DEPDC1: variants seen among roughly 807,000 people sequenced by gnomAD.
DEPDC1 encodes the protein DEP domain-containing protein 1A.
DEPDC1 carries 66 observed loss-of-function variants against 86.8 expected under a neutral mutation model. The ratio of observed to expected loss-of-function variants is 0.76; its 90% CI spans 0.62 to 0.93. DEPDC1 has a LOEUF of 0.93. DEPDC1 is among the 40% of genes least tolerant of loss of function. The pLI is 0.00. For synonymous variants in DEPDC1, 255 were observed against 314.9 expected (o/e 0.81, Z 2.02); for missense variants, 792 against 935.7 (o/e 0.85, Z 2.00).
At chr1:68,490,617 T>A (rs564082611) in intron 2 of DEPDC1, among the ~76,000 whole-genome samples, 2 of 152,280 alleles carry the variant, frequency 1.3e-5, no homozygotes, top group South Asian at 4.1e-4. Context: ...GGTATATACC[T>A]AGTAAAGGGA....
At position 68,482,505 on chromosome 1, in the gene DEPDC1, T is replaced by C; in HGVS notation, c.1303A>G (p.Lys435Glu). Residue 435 changes from lysine (K) to glutamate (E), a missense_variant, in exon 8 of 12, where the codon AAA becomes GAA. Transcript: ENST00000456315. The stretch of plus-strand genomic sequence containing the variant: ...TGATGAAAGACACTGGATGCCTCTT[T>C]ACTTGAATTCCCTGGCACATCTACA... ...GIVDVPGNSS[K>E]EASSVFHQSF... The C allele has an allele frequency of 6.2e-7, 1 of 1,613,152 alleles. No homozygotes were observed. The highest frequency in any genetic ancestry group is 8.5e-7 in the Non-Finnish European group (1 of 1,179,336).
Position 68,482,454 on chromosome 1 carries a change from T to G in DEPDC1, c.1354A>C (p.Asn452His), listed in dbSNP as rs1255424370. 1 of 1,612,956 alleles carries G rather than the reference T, an allele frequency of 6.2e-7. No homozygotes were observed. The highest frequency in any genetic ancestry group is 8.5e-7 in the Non-Finnish European group (1 of 1,179,292). ...TTAGACTCTAAAAACAGTTTATTAT[T>G]TTGTCCTTCTATGTTCGGAAAAGAT... ...HQSFPNIEGQ[N>H]NKLFLESKPK... Residue 452 changes from asparagine to histidine, a missense_variant, in exon 8 of 12, where the codon AAT becomes CAT. Coordinates refer to ENST00000456315, the MANE Select transcript of DEPDC1 (RefSeq NM_001114120.3).
chr1:68,495,961 C>A (rs1366581256), intron 1 of DEPDC1, among the ~76,000 whole-genome samples: 1 of 152,136 alleles, frequency 6.6e-6, no homozygotes, highest in Non-Finnish European at 1.5e-5. Context: ...AGGTTCCTTC[C>A]TGTCCTAAAT....
intron 2 of DEPDC1, 67 bp downstream of exon 2, chr1:68,494,363 A>G (rs1178689423): frequency 2.2e-6 from 3 of 1,372,806 alleles, no homozygotes; most frequent in Non-Finnish European, 2.9e-6. Flanking sequence ...TTATAGTAAA[A>G]GTATAATATA....
chr1:68,481,344 G>C lies in DEPDC1; in HGVS notation c.1935+96C>G, dbSNP rs1646153856. 3 of 1,112,768 alleles carry C rather than the reference G, an allele frequency of 2.7e-6. No individual in the cohort carries two copies. The Admixed American group carries it at 7.1e-5, about 26-fold the overall frequency. The allele number at this position is 1,112,768 out of a possible 1,614,324, so 68.9% of individuals were successfully genotyped here. A position where few individuals can be genotyped will look rare whatever the true frequency, so the allele number is the denominator to read the frequency against. On this transcript the variant is annotated intron_variant, in intron 9 of 11. Transcript: ENST00000456315. ...CCAACCTAAGAATCTAGCACTTTAA[G>C]ACTAAGACATCACTTGAGTAGTACT...
In DEPDC1 at chr1:68,483,940, CTA is replaced by C; in HGVS notation, c.910+8_910+9del. On this transcript the variant is annotated splice_region_variant and intron_variant, in intron 7 of 11. Transcript: ENST00000456315. ...CAAAATGAACTAAAATCAGTAAAAT[CTA>C]TACATACCCAAAATGTTTACAAATA... is the stretch of plus-strand genomic sequence containing the variant. 6.9e-7 allele frequency: 1 copy of C among 1,452,040 alleles called. No homozygotes were observed. Among genetic ancestry groups the C allele is most frequent in the Non-Finnish European group, 9.3e-7 (1 of 1,079,798 alleles). The allele number at this position is 1,452,040 out of a possible 1,614,324, so 89.9% of individuals were successfully genotyped here.
chr1:68,494,645 G>A lies in DEPDC1; in HGVS notation c.99C>T (p.His33=). The change falls in exon 2 of 12, where the codon CAC becomes CAT. Residue 33 remains histidine, a synonymous_variant. Coordinates refer to ENST00000456315, the MANE Select transcript of DEPDC1 (RefSeq NM_001114120.3). ...SFRAGMPLRK[H]RQHFKKYGNC... The stretch of plus-strand genomic sequence containing the variant: ...TGCCATATTTTTTAAAGTGTTGTCT[G>A]TGTTTTCTTAGAGGCATTCCTGCTC... 6.2e-7 allele frequency: 1 copy of A among 1,613,604 alleles called. No individual in the cohort carries two copies. The highest frequency in any genetic ancestry group is 8.5e-7 in the Non-Finnish European group (1 of 1,179,642).
At position 68,494,624 on chromosome 1, in the gene DEPDC1, A is replaced by G; in HGVS notation, c.120T>C (p.Tyr40=). 1.2e-6 allele frequency: 2 copies of G among 1,613,770 alleles called. No individual in the cohort carries two copies. The highest frequency in any genetic ancestry group is 1.7e-6 in the Non-Finnish European group (2 of 1,179,760). Residue 40 remains tyrosine, a synonymous_variant, in exon 2 of 12, where the codon TAT becomes TAC. Transcript: ENST00000456315. ...LRKHRQHFKK[Y]GNCFTAGEAV... is the part of the protein sequence containing the mutation. ...CTTCTCCTGCTGTGAAACAATTGCC[A>G]TATTTTTTAAAGTGTTGTCTGTGTT...
intron 2 of DEPDC1, among the ~76,000 whole-genome samples, chr1:68,490,162 G>A (rs1209925221): frequency 2.0e-5 from 3 of 152,068 alleles, no homozygotes; most frequent in African/African-American, 7.2e-5. Context: ...GCATGTGCAG[G>A]TTTCTTACAT....
At chr1:68,494,830 T>C in intron 1 of DEPDC1, 135 bp from the exon 2 acceptor site, 1 of 810,848 alleles carries the variant, frequency 1.2e-6, no homozygotes, top group Non-Finnish European at 1.9e-6. Flanking sequence ...GAATCATTCA[T>C]CTTATTTGTG....
At position 68,495,226 on chromosome 1, in the gene DEPDC1, A is replaced by G. The variant is rs557726469; in HGVS notation, c.49-531T>C. Among the ~76,000 whole-genome samples the G allele has an allele frequency of 6.6e-5, 10 of 152,216 alleles. No individual in the cohort carries two copies. In the East Asian group the frequency reaches 1.9e-3, roughly 29 times the overall value. Reference sequence around the variant, plus strand: ...AATATTTTTATGTAATAGCTTTTTTATTAGAAGAACTTCATTGGCTGATCT... The same window carrying G: ...AATATTTTTATGTAATAGCTTTTTTGTTAGAAGAACTTCATTGGCTGATCT... On this transcript the variant is annotated intron_variant, in intron 1 of 11. Coordinates refer to ENST00000456315, the MANE Select transcript of DEPDC1 (RefSeq NM_001114120.3).
rs1174054148 is a variant in DEPDC1, at chr1:68,476,820, T to C, written c.*112A>G. On this transcript the variant is annotated 3_prime_UTR_variant, in exon 12 of 12. Coordinates refer to ENST00000456315, the MANE Select transcript of DEPDC1 (RefSeq NM_001114120.3). ...TTTGGCACTTCCTTACATAATGTGT[T>C]TATTTAGAAATACCTTATTAATGAC... 2 of 986,364 alleles carry C rather than the reference T, an allele frequency of 2.0e-6. No homozygotes were observed. Among genetic ancestry groups the C allele is most frequent in the Non-Finnish European group, 2.9e-6 (2 of 696,656 alleles). The allele number at this position is 986,364 out of a possible 1,614,324, so 61.1% of individuals were successfully genotyped here.
rs1646118293 is a variant in DEPDC1 at position 68,476,800 on chromosome 1, C to T, written c.*132G>A. 1 of 765,222 alleles carries T rather than the reference C, an allele frequency of 1.3e-6. No homozygotes were observed. The highest frequency in any genetic ancestry group is 1.8e-5 in the African/African-American group (1 of 55,874). The allele number at this position is 765,222 out of a possible 1,614,324, so 47.4% of individuals were successfully genotyped here. A position where few individuals can be genotyped will look rare whatever the true frequency, so the allele number is the denominator to read the frequency against. On this transcript the variant is annotated 3_prime_UTR_variant, in exon 12 of 12. Transcript: ENST00000456315. ...AGTCTCACATTGATAACTATTTTGG[C>T]ACTTCCTTACATAATGTGTTTATTT...
intron 7 of DEPDC1, chr1:68,483,484 G>A (rs1557618986): frequency 5.7e-6 from 2 of 351,192 alleles, no homozygotes; most frequent in Non-Finnish European, 1.1e-5. Context: ...GATTTGGTCA[G>A]TCATGCCTTG....
At chr1:68,481,762 G>GT in intron 8 of DEPDC1, 150 bp from the exon 9 acceptor site, 1 of 680,532 alleles carries the variant, frequency 1.5e-6, no homozygotes, top group Non-Finnish European at 2.3e-6. Flanking sequence ...CTAAAGCATG[G>GT]TAAGATTCTC....
At chr1:68,478,395 T>C (rs965924700) in intron 10 of DEPDC1, among the ~76,000 whole-genome samples, 4 of 151,906 alleles carry the variant, frequency 2.6e-5, no homozygotes, top group African/African-American at 9.7e-5. Flanking sequence ...ACAGTGCAGG[T>C]AGTAGATGAT....
intron 4 of DEPDC1, 31 bp downstream of exon 4, chr1:68,488,885 G>A (rs771309760): frequency 5.6e-6 from 7 of 1,257,190 alleles, no homozygotes; most frequent in Non-Finnish European, 8.2e-6. Flanking sequence ...GAACACATCA[G>A]GAACTTCATT....
intron 1 of DEPDC1, among the ~76,000 whole-genome samples, chr1:68,495,188 C>T (rs955383926): frequency 6.6e-6 from 1 of 151,824 alleles, no homozygotes; most frequent in Non-Finnish European, 1.5e-5. Flanking sequence ...TTTATTAATT[C>T]TAGTGCTGTA....
Position 68,482,337 on chromosome 1 carries a change from C to T in DEPDC1, c.1471G>A (p.Val491Ile), listed in dbSNP as rs1275140625. Residue 491 changes from valine (V) to isoleucine (I), a missense_variant, in exon 8 of 12, where the codon GTT becomes ATT. Coordinates refer to ENST00000456315, the MANE Select transcript of DEPDC1 (RefSeq NM_001114120.3). Reference sequence around the variant, plus strand: ...TTACACAACTCCTCTTGGTCTTGAACAGTCAAAGTAGAGGTTCTCTTAAAA... The same window carrying T: ...TTACACAACTCCTCTTGGTCTTGAATAGTCAAAGTAGAGGTTCTCTTAAAA... ...AGFKRTSTLT[V>I]QDQEELCNGK... is the part of the protein sequence containing the mutation. 3 of 1,612,888 alleles carry T rather than the reference C, an allele frequency of 1.9e-6. No individual in the cohort carries two copies. Among genetic ancestry groups the T allele is most frequent in the Non-Finnish European group, 2.5e-6 (3 of 1,179,298 alleles).
Sources: gnomAD v4.1 joint callset for allele counts (sites outside exome capture counted in the v4.1 genomes callset) on GRCh38, gnomAD v4.1.1 for gene constraint, MANE v1.5 for transcripts, NCBI Gene and HGNC (gene_info 2026-07-23, HGNC 2026-07-21) for gene names.